The following CEP85L variants were observed in gnomAD, a reference collection of about 807,000 sequenced individuals.
The protein encoded by CEP85L is centrosomal protein of 85 kDa-like.
In CEP85L, 60 loss-of-function variants were observed where a neutral mutation model predicts 100.3. The observed-to-expected ratio is 0.60, with a 90% confidence interval of 0.49 to 0.74. The LOEUF (loss-of-function observed/expected upper bound fraction) is 0.74, where lower values mean the gene tolerates loss of function less well. Among genes scored for constraint, CEP85L ranks in the 30% least tolerant of loss-of-function variants. CEP85L has a pLI of 0.00. For synonymous variants in CEP85L, 319 were observed against 322.7 expected, an observed-to-expected ratio of 0.99 and a Z score of 0.12; for missense variants, 973 against 936.2, an observed-to-expected ratio of 1.04 and a Z score of -0.51.
At chr6:118,561,937 T>A (rs73766558) in intron 3 of CEP85L, among the ~76,000 whole-genome samples, 8 of 152,140 alleles carry the variant, frequency 5.3e-5, no homozygotes, top group Non-Finnish European at 8.8e-5. Context: ...TCTGGCAAAG[T>A]AGGACTATAA....
rs993043728 is a variant in CEP85L at position 118,593,639 on chromosome 6, T to A, written c.233-27323A>T. Among the ~76,000 whole-genome samples the A allele has an allele frequency of 2.0e-5, 3 of 149,888 alleles. No homozygotes were observed. The Admixed American group carries it at 2.0e-4, about 10-fold the overall frequency. ...CAACATTGGGGAATACAATTTGACA[T>A]GAGATTGGTGGGGGGAGGGGCAGCG... is the stretch of plus-strand genomic sequence containing the variant. On this transcript the variant is annotated intron_variant, in intron 2 of 12. Coordinates refer to ENST00000368491, the MANE Select transcript of CEP85L (RefSeq NM_001042475.3).
intron 2 of CEP85L, among the ~76,000 whole-genome samples, chr6:118,618,414 C>T (rs1773211817): frequency 6.6e-6 from 1 of 152,174 alleles, no homozygotes; most frequent in Admixed American, 6.5e-5. Flanking sequence ...AGTTCCCCAC[C>T]ATCGTGTATG....
chr6:118,621,715 G>T (rs553247500), intron 2 of CEP85L, among the ~76,000 whole-genome samples: 3 of 152,178 alleles, frequency 2.0e-5, no homozygotes, highest in African/African-American at 7.2e-5. Flanking sequence ...AAACCTAGCC[G>T]AAAGAACTAG....
intron 2 of CEP85L, among the ~76,000 whole-genome samples, chr6:118,588,570 G>A (rs1200768430): frequency 6.6e-6 from 1 of 152,186 alleles, no homozygotes; most frequent in Non-Finnish European, 1.5e-5. Flanking sequence ...CAGGCTAAGA[G>A]AAAATGAAGG....
intron 2 of CEP85L, among the ~76,000 whole-genome samples, chr6:118,575,974 C>T (rs749029721): frequency 4.6e-5 from 7 of 152,094 alleles, no homozygotes; most frequent in South Asian, 2.1e-4. Flanking sequence ...AGAAGCTCTC[C>T]CCTTCCCAAG....
intron 3 of CEP85L, among the ~76,000 whole-genome samples, chr6:118,529,201 G>A (rs978999402): frequency 1.3e-5 from 2 of 152,184 alleles, no homozygotes; most frequent in African/African-American, 4.8e-5. Flanking sequence ...TCAATTTAAT[G>A]TGTCTGCAAA....
At chr6:118,592,891 T>C (rs996269144) in intron 2 of CEP85L, among the ~76,000 whole-genome samples, 4 of 152,336 alleles carry the variant, frequency 2.6e-5, no homozygotes. Context: ...ATTATAATTG[T>C]ATAAATTTGG....
In CEP85L at chr6:118,558,801, C is replaced by G. The variant is rs943285413; in HGVS notation, c.1020+6728G>C. 5.4e-6 allele frequency: 4 copies of G among 735,060 alleles called. No individual in the cohort carries two copies. In the African/African-American group the frequency reaches 7.0e-5, roughly 13 times the overall value. 45.5% of individuals were successfully genotyped at this position (735,060 alleles called of 1,614,324 possible). A position where few individuals can be genotyped will look rare whatever the true frequency, so the allele number is the denominator to read the frequency against. On this transcript the variant is annotated intron_variant, in intron 3 of 12. Coordinates refer to ENST00000368491, the MANE Select transcript of CEP85L (RefSeq NM_001042475.3). ...GATAGGTTACATAGATGATTCTAAT[C>G]CATTTATTATTTTTACATTCCAGGC...
At chr6:118,564,683 G>T (rs1172462637) in intron 3 of CEP85L, among the ~76,000 whole-genome samples, 1 of 152,032 alleles carries the variant, frequency 6.6e-6, no homozygotes, top group African/African-American at 2.4e-5. Context: ...GTTTTTATTA[G>T]TAGTAGTAAT....
intron 2 of CEP85L, among the ~76,000 whole-genome samples, chr6:118,628,016 C>T (rs992323704): frequency 6.6e-6 from 1 of 152,080 alleles, no homozygotes; most frequent in Non-Finnish European, 1.5e-5. Context: ...CCAGGGGCAC[C>T]GGCTCACTAA....
intron 1 of CEP85L, among the ~76,000 whole-genome samples, chr6:118,661,862 C>T (rs1228283195): frequency 6.6e-6 from 1 of 152,174 alleles, no homozygotes; most frequent in Non-Finnish European, 1.5e-5. Flanking sequence ...CTAAAGCCAC[C>T]TCATAAACCA....
chr6:118,522,683 T>C (rs1284360655), intron 4 of CEP85L, among the ~76,000 whole-genome samples: 1 of 151,964 alleles, frequency 6.6e-6, no homozygotes, highest in African/African-American at 2.4e-5. Context: ...TTCAAGACAA[T>C]ACTGGCCAAC....
upstream of CEP85L, chr6:118,652,777 A>G: frequency 1.3e-6 from 2 of 1,523,652 alleles, no homozygotes; most frequent in Middle Eastern, 1.7e-4. Flanking sequence ...ATTTCTCCAA[A>G]TCATGTAATG....
intron 1 of CEP85L, among the ~76,000 whole-genome samples, chr6:118,635,417 A>C (rs1249160927): frequency 6.6e-6 from 1 of 152,180 alleles, no homozygotes; most frequent in African/African-American, 2.4e-5. Context: ...AGAAGCTTTC[A>C]GGGAGCTCTA....
At chr6:118,684,059 C>A in intron 1 of CEP85L, among the ~76,000 whole-genome samples, 1 of 152,126 alleles carries the variant, frequency 6.6e-6, no homozygotes. Context: ...ACTAAACATC[C>A]ATCCCAAATA....
At chr6:118,497,227 A>G (rs1338228377) in intron 5 of CEP85L, among the ~76,000 whole-genome samples, 2 of 152,234 alleles carry the variant, frequency 1.3e-5, no homozygotes, top group East Asian at 3.9e-4. Flanking sequence ...ATTTTGGATT[A>G]GAGTCAAGGC....
chr6:118,579,600 A>C (rs894397319), intron 2 of CEP85L, among the ~76,000 whole-genome samples: 4 of 152,226 alleles, frequency 2.6e-5, no homozygotes, highest in Non-Finnish European at 5.9e-5. Flanking sequence ...GAAAACACAA[A>C]GTTTCTTAGA....
At chr6:118,610,656 G>A (rs1231309259) in intron 2 of CEP85L, among the ~76,000 whole-genome samples, 1 of 152,044 alleles carries the variant, frequency 6.6e-6, no homozygotes, top group South Asian at 2.1e-4. Flanking sequence ...TGGCAATAAG[G>A]AGACAGTGCC....
In CEP85L at chr6:118,556,231, T is replaced by C. The variant is rs2114955310; in HGVS notation, c.1020+9298A>G. On this transcript the variant is annotated intron_variant, in intron 3 of 12. Coordinates refer to ENST00000368491, the MANE Select transcript of CEP85L (RefSeq NM_001042475.3). ...TAAGCTGCTATTTTCTAAGTAGAAG[T>C]GTTATAGACAACCTAAATAACAGCC... is the stretch of plus-strand genomic sequence containing the variant. Among the ~76,000 whole-genome samples the C allele has an allele frequency of 1.3e-5, 2 of 152,320 alleles. 1 individual carries two copies. The highest frequency in any genetic ancestry group is 4.1e-4 in the South Asian group (2 of 4,828).
Sources: allele counts gnomAD v4.1 joint callset (sites outside exome capture counted in the v4.1 genomes callset), GRCh38; gene constraint gnomAD v4.1.1; transcripts MANE v1.5; gene names NCBI Gene and HGNC (gene_info 2026-07-23, HGNC 2026-07-21).